The following HGF variants were observed in gnomAD, a reference collection of about 807,000 sequenced individuals.
HGF encodes hepatocyte growth factor.
In HGF, 39 loss-of-function variants were observed where a neutral mutation model predicts 111.6. The ratio of observed to expected loss-of-function variants is 0.35; its 90% CI spans 0.27 to 0.46. The LOEUF is 0.46. Ranked by LOEUF, HGF falls within the 20% of genes least tolerant of loss-of-function variation. The pLI is 1.00. For synonymous variants in HGF, 285 were observed against 294.8 expected, an observed-to-expected ratio of 0.97 and a Z score of 0.34; for missense variants, 735 against 910.5, an observed-to-expected ratio of 0.81 and a Z score of 2.48.
chr7:81,751,554 C>A (rs1462075652), intron 5 of HGF: 4 of 988,274 alleles, frequency 4.0e-6, no homozygotes, highest in African/African-American at 3.5e-5. Flanking sequence ...CTCTTCAGAT[C>A]CTATTCTGAA....
In HGF at chr7:81,705,534, C is replaced by T. The variant is rs376395424; in HGVS notation, c.1866G>A (p.Leu622=). The T allele has an allele frequency of 1.2e-6, 2 of 1,612,182 alleles. No homozygotes were observed. Among genetic ancestry groups the T allele is most frequent in the African/African-American group, 2.7e-5 (2 of 74,890 alleles). Residue 622 remains leucine, a splice_region_variant and synonymous_variant, in exon 17 of 18, where the codon TTG becomes TTA. Coordinates refer to ENST00000222390, the MANE Select transcript of HGF (RefSeq NM_000601.6). ...CSVYGWGYTG[L]INYDGLLRVA... ...CTCGTAATAGGCCATCATAGTTGAT[C>T]ACTAGATTGATGCAAAAAACATACA...
chr7:81,707,178 AC>A, intron 14 of HGF, 111 bp downstream of exon 14: 1 of 689,576 alleles, frequency 1.5e-6, no homozygotes, highest in Non-Finnish European at 2.6e-6. Flanking sequence ...TAATTTGTTC[AC>A]CCCATTTGTG....
intron 5 of HGF, among the ~76,000 whole-genome samples, chr7:81,746,628 T>A (rs6467870): frequency 1.5e-4 from 22 of 151,610 alleles, no homozygotes; most frequent in Non-Finnish European, 2.8e-4. Flanking sequence ...ATTTCTACTC[T>A]TGTATAGTAC....
chr7:81,759,087 T>A (rs545701570), intron 2 of HGF, among the ~76,000 whole-genome samples: 23 of 152,256 alleles, frequency 1.5e-4, no homozygotes, highest in African/African-American at 5.5e-4. Context: ...AAAATAACAG[T>A]TTTAACATGC....
chr7:81,725,672 G>T (rs1265168783), intron 9 of HGF, among the ~76,000 whole-genome samples: 1 of 152,062 alleles, frequency 6.6e-6, no homozygotes, highest in Non-Finnish European at 1.5e-5. Context: ...TATCTCCAAG[G>T]CTTAGAACTG....
intron 4 of HGF, chr7:81,756,854 T>G (rs971554074): frequency 7.9e-5 from 25 of 314,518 alleles, no homozygotes; most frequent in Admixed American, 2.8e-4. Context: ...CCTCTGATTT[T>G]TCACAATCAA....
At chr7:81,733,182 C>G (rs553255530) in intron 7 of HGF, among the ~76,000 whole-genome samples, 1 of 151,894 alleles carries the variant, frequency 6.6e-6, no homozygotes, top group Admixed American at 6.6e-5. Context: ...TAAATAAAAA[C>G]CCAAATGCTG....
In HGF at chr7:81,752,175, G is replaced by T; in HGVS notation, c.570C>A (p.Phe190Leu). The change falls in exon 5 of 18, where the codon TTC becomes TTA. Residue 190 changes from phenylalanine to leucine, a missense_variant. Physicochemically the swap from Phe to Leu is conservative, Grantham distance 22. Transcript: ENST00000222390. ...CGTAGCGTACCTCTGGATTGCTTGT[G>T]AAACACCAGGGTCCCCCTTCTTCCC... Reference protein sequence around the residue: ...PRGEEGGPWCFTSNPEVRYEV... With the variant: ...PRGEEGGPWCLTSNPEVRYEV... The T allele has an allele frequency of 1.2e-6, 2 of 1,613,626 alleles. No individual in the cohort carries two copies. The highest frequency in any genetic ancestry group is 1.7e-6 in the Non-Finnish European group (2 of 1,179,626).
At chr7:81,742,928 G>A in intron 7 of HGF, 2 of 1,613,400 alleles carry the variant, frequency 1.2e-6, no homozygotes, top group Non-Finnish European at 1.7e-6. Flanking sequence ...TTCACCATCA[G>A]TTGAGAGCCC....
chr7:81,706,241 A>C, intron 15 of HGF, 46 bp downstream of exon 15: 1 of 1,583,034 alleles, frequency 6.3e-7, no homozygotes, highest in Non-Finnish European at 8.7e-7. Flanking sequence ...ATGCTCCAAC[A>C]ATTCTTGTCC....
chr7:81,755,063 T>C (rs1350985166), intron 4 of HGF: 2 of 152,216 alleles, frequency 1.3e-5, no homozygotes, highest in East Asian at 3.9e-4. Context: ...CTTTTAATAT[T>C]CACTGTGTTC....
intron 7 of HGF, chr7:81,742,726 A>G (rs189833202): frequency 1.4e-6 from 2 of 1,430,344 alleles, no homozygotes; most frequent in East Asian, 2.6e-5. Flanking sequence ...AAATTCAGAA[A>G]AGCTAGGTAA....
intron 4 of HGF, 42 bp from the exon 5 acceptor site, chr7:81,752,304 A>G (rs1486956817): frequency 4.4e-6 from 7 of 1,583,936 alleles, no homozygotes; most frequent in South Asian, 1.1e-5. Flanking sequence ...AGAGCATGCA[A>G]CTTTTTTTTG....
intron 1 of HGF, among the ~76,000 whole-genome samples, chr7:81,765,929 G>A (rs750037709): frequency 1.3e-5 from 2 of 152,110 alleles, no homozygotes; most frequent in Non-Finnish European, 2.9e-5. Context: ...ACAAAATATT[G>A]AAATGAAATC....
chr7:81,707,309 G>A lies in HGF; in HGVS notation c.1597C>T (p.Arg533Ter), dbSNP rs527951814. ...LIKESWVLTARQCFPSRDLKD... is the reference protein window; with the variant it reads ...LIKESWVLTA ...CTTTACCGAGAAGGGAAACACTGTC[G>A]TGCAGTAAGAACCCAACTCTCCTTT... Residue 533 changes from arginine to a stop codon, truncating the protein, a stop_gained, in exon 14 of 18, where the codon CGA becomes TGA. Transcript: ENST00000222390. LOFTEE classifies it high-confidence loss of function. 4 of 1,593,814 alleles carry A rather than the reference G, an allele frequency of 2.5e-6. No homozygotes were observed. Among genetic ancestry groups the A allele is most frequent in the East Asian group, 2.2e-5 (1 of 44,686 alleles).
Position 81,769,886 on chromosome 7 carries a change from G to T in HGF, c.86C>A (p.Ala29Glu). 1 of 1,562,974 alleles carries T rather than the reference G, an allele frequency of 6.4e-7. No individual in the cohort carries two copies. Among genetic ancestry groups the T allele is most frequent in the Non-Finnish European group, 8.7e-7 (1 of 1,152,294 alleles). Residue 29 changes from alanine (A) to glutamate (E), a missense_variant and splice_region_variant, in exon 1 of 18, where the codon GCA becomes GAA. Coordinates refer to ENST00000222390, the MANE Select transcript of HGF (RefSeq NM_000601.6). ...TGAAGAAGAAGAAGGGAACTAACCT[G>T]CATAGGGGATGGCGATGGGGAGCAG... ...LLLLPIAIPYAEGQRKRRNTI... is the reference protein window; with the variant it reads ...LLLLPIAIPYEEGQRKRRNTI...
In HGF at chr7:81,762,823, T is replaced by C; in HGVS notation, c.138A>G (p.Ala46=). The C allele has an allele frequency of 6.3e-7, 1 of 1,598,842 alleles. No individual in the cohort carries two copies. The highest frequency in any genetic ancestry group is 8.6e-7 in the Non-Finnish European group (1 of 1,166,268). Reference sequence around the variant, plus strand: ...GATCTATTTTGATTAGGGTAGTCTTTGCTGATTTTTTGAATTCATGAATTG... The same window carrying C: ...GATCTATTTTGATTAGGGTAGTCTTCGCTGATTTTTTGAATTCATGAATTG... ...RNTIHEFKKS[A]KTTLIKIDPA... The change falls in exon 2 of 18, where the codon GCA becomes GCG. Residue 46 remains alanine, a synonymous_variant. Transcript: ENST00000222390.
At chr7:81,760,773 CATA>C (rs1789033511) in intron 2 of HGF, among the ~76,000 whole-genome samples, 1 of 148,640 alleles carries the variant, frequency 6.7e-6, no homozygotes, top group Admixed American at 6.7e-5. Flanking sequence ...GGCTCTAATA[CATA>C]ATATTACCTG....
At chr7:81,730,760 A>G (rs1583953859) in intron 7 of HGF, among the ~76,000 whole-genome samples, 2 of 152,324 alleles carry the variant, frequency 1.3e-5, no homozygotes, top group South Asian at 2.1e-4. Flanking sequence ...ATCTTCTTAA[A>G]ACATACATGA....
Sources: gnomAD v4.1 joint callset for allele counts (sites outside exome capture counted in the v4.1 genomes callset) on GRCh38, gnomAD v4.1.1 for gene constraint, MANE v1.5 for transcripts, NCBI Gene and HGNC (gene_info 2026-07-23, HGNC 2026-07-21) for gene names.